The following ZFYVE9 variants were observed in gnomAD, a reference collection of about 807,000 sequenced individuals.
ZFYVE9 encodes zinc finger FYVE-type containing 9, also known as zinc finger FYVE domain-containing protein 9.
In ZFYVE9, 43 loss-of-function variants were observed where a neutral mutation model predicts 126.7. The observed-to-expected ratio is 0.34, with a 90% CI of 0.27 to 0.44. The LOEUF is 0.44. Ranked by LOEUF, ZFYVE9 falls within the 20% of genes least tolerant of loss-of-function variation. ZFYVE9 has a pLI of 1.00. For synonymous variants in ZFYVE9, 521 were observed against 597.4 expected, an observed-to-expected ratio of 0.87 and a Z score of 1.87; for missense variants, 1,476 against 1,697.0, an observed-to-expected ratio of 0.87 and a Z score of 2.29.
In ZFYVE9 at chr1:52,238,790, A is replaced by T. The variant is rs1418745539; in HGVS notation, c.1373A>T (p.Glu458Val). 3 of 1,614,014 alleles carry T rather than the reference A, an allele frequency of 1.9e-6. No homozygotes were observed. The highest frequency in any genetic ancestry group is 1.7e-6 in the Non-Finnish European group (2 of 1,179,988). ...DLKGTCISES[E>V]ECDFSTVIDT... ...AAAGGAACTTGCATTAGTGAAAGTG[A>T]AGAATGTGATTTCTCCACTGTTATA... Residue 458 changes from glutamate to valine, a missense_variant, in exon 4 of 19, where the codon GAA becomes GTA. Transcript: ENST00000287727.
At chr1:52,298,808 T>G (rs538165048) in intron 12 of ZFYVE9, among the ~76,000 whole-genome samples, 14 of 137,028 alleles carry the variant, frequency 1.0e-4, no homozygotes, top group South Asian at 4.8e-4. Context: ...TTGTCAATGT[T>G]TTTTTTTTTT....
chr1:52,281,034 A>G (rs959369216), intron 9 of ZFYVE9, among the ~76,000 whole-genome samples: 2 of 152,078 alleles, frequency 1.3e-5, no homozygotes, highest in African/African-American at 4.8e-5. Flanking sequence ...TTTTAGTATT[A>G]ATAGAATGTT....
intron 4 of ZFYVE9, among the ~76,000 whole-genome samples, chr1:52,248,048 G>A (rs1394271711): frequency 1.3e-5 from 2 of 152,240 alleles, no homozygotes; most frequent in African/African-American, 2.4e-5. Context: ...TAGGATATAT[G>A]TATATATACG....
At chr1:52,292,812 C>T (rs1303981330) in intron 10 of ZFYVE9, among the ~76,000 whole-genome samples, 1 of 151,998 alleles carries the variant, frequency 6.6e-6, no homozygotes, top group Non-Finnish European at 1.5e-5. Context: ...TTCTTGAGAC[C>T]TCTAAAGCAA....
chr1:52,306,547 C>G (rs1262198373), intron 13 of ZFYVE9, among the ~76,000 whole-genome samples: 1 of 152,242 alleles, frequency 6.6e-6, no homozygotes, highest in Non-Finnish European at 1.5e-5. Flanking sequence ...TGCCAAATGG[C>G]AGGGCTGAAA....
At chr1:52,290,725 A>G (rs1432669941) in intron 10 of ZFYVE9, among the ~76,000 whole-genome samples, 1 of 152,030 alleles carries the variant, frequency 6.6e-6, no homozygotes, top group East Asian at 1.9e-4. Flanking sequence ...CTTAAATCTT[A>G]CTCTAAAATC....
chr1:52,224,641 A>G (rs1645153367), intron 2 of ZFYVE9, among the ~76,000 whole-genome samples: 1 of 152,166 alleles, frequency 6.6e-6, no homozygotes, highest in South Asian at 2.1e-4. Context: ...CTTAGTCCAA[A>G]TAAAAACAGC....
chr1:52,238,591 C>A lies in ZFYVE9; in HGVS notation c.1174C>A (p.His392Asn), dbSNP rs1474820964. The change falls in exon 4 of 19, where the codon CAT becomes AAT. Residue 392 changes from histidine to asparagine, a missense_variant. Physicochemically the swap from His to Asn is moderately conservative, Grantham distance 68. Transcript: ENST00000287727. ...TACAGAATTCCTTAATATGACAGAG[C>A]ATTTCTCTGAATCTCAGGACATGAC... ...GTTEFLNMTE[H>N]FSESQDMTNW... The A allele has an allele frequency of 1.2e-6, 2 of 1,613,840 alleles. No individual in the cohort carries two copies. The highest frequency in any genetic ancestry group is 1.3e-5 in the African/African-American group (1 of 74,878).
chr1:52,238,935 A>C lies in ZFYVE9; in HGVS notation c.1518A>C (p.Lys506Asn). The change falls in exon 4 of 19, where the codon AAA becomes AAC. Residue 506 changes from lysine to asparagine, a missense_variant. Lys to Asn is a moderately conservative substitution (Grantham distance 94). This residue lies in a region of ZFYVE9 where 807 missense variants were observed against 794.6 expected (regional missense o/e 1.02). Coordinates refer to ENST00000287727, the MANE Select transcript of ZFYVE9 (RefSeq NM_004799.4). Reference protein sequence around the residue: ...PSKEDSVTEEKEIEESKSECY... With the variant: ...PSKEDSVTEENEIEESKSECY... ...AAGAAGATTCAGTAACAGAAGAAAA[A>C]GAAATAGAGGAAAGCAAGTCAGAAT... 6.2e-7 allele frequency: 1 copy of C among 1,613,972 alleles called. No homozygotes were observed. Among genetic ancestry groups the C allele is most frequent in the Non-Finnish European group, 8.5e-7 (1 of 1,179,956 alleles).
intron 4 of ZFYVE9, among the ~76,000 whole-genome samples, chr1:52,253,462 T>C (rs1645472091): frequency 6.6e-6 from 1 of 152,182 alleles, no homozygotes; most frequent in Non-Finnish European, 1.5e-5. Context: ...GATAGTATGA[T>C]AGATAGTGAA....
At chr1:52,255,870 T>G (rs946537741) in intron 4 of ZFYVE9, among the ~76,000 whole-genome samples, 1 of 151,840 alleles carries the variant, frequency 6.6e-6, no homozygotes, top group South Asian at 2.1e-4. Flanking sequence ...AAATTTTTTT[T>G]AATTCATTGA....
chr1:52,269,472 G>A (rs1015752610), intron 7 of ZFYVE9, among the ~76,000 whole-genome samples: 1 of 152,040 alleles, frequency 6.6e-6, no homozygotes, highest in Non-Finnish European at 1.5e-5. Flanking sequence ...TCATAGAATT[G>A]TTAGTTACTA....
chr1:52,180,301 C>G (rs544577671), intron 1 of ZFYVE9: 1 of 1,589,782 alleles, frequency 6.3e-7, no homozygotes, highest in Non-Finnish European at 8.6e-7. Context: ...ACCTGCATAC[C>G]CAGTTATCCT....
rs117007407 is a variant in ZFYVE9, at chr1:52,323,099, C to T, written c.3439-9669C>T. Among the ~76,000 whole-genome samples, 131 of 152,344 alleles carry T rather than the reference C, an allele frequency of 8.6e-4. 3 individuals carry two copies. The East Asian group carries it at 0.022, about 25-fold the overall frequency. ...GACTACAGGTGTGAGCCACCACGCC[C>T]GGCCCTCTGTGACCTCATTTTTTAT... On this transcript the variant is annotated intron_variant, in intron 13 of 18. Transcript: ENST00000287727.
intron 12 of ZFYVE9, 150 bp downstream of exon 12, chr1:52,296,127 G>GTATA (rs139945921): frequency 1.2e-5 from 6 of 505,008 alleles, no homozygotes; most frequent in East Asian, 7.1e-5. Flanking sequence ...ATATGTATGT[G>GTATA]TATATATATA....
At chr1:52,256,487 C>A (rs1645520931) in intron 4 of ZFYVE9, among the ~76,000 whole-genome samples, 1 of 152,010 alleles carries the variant, frequency 6.6e-6, no homozygotes, top group Non-Finnish European at 1.5e-5. Flanking sequence ...AGCAATTTTC[C>A]TTGCCTCAGC....
At chr1:52,216,503 G>C (rs1230017455) in intron 2 of ZFYVE9, 29 bp downstream of exon 2, 12 of 398,264 alleles carry the variant, frequency 3.0e-5, no homozygotes, top group Non-Finnish European at 5.3e-5. Flanking sequence ...TTCTCTTAGA[G>C]ATTGAACTTG....
chr1:52,149,543 C>T (rs1210024263), intron 1 of ZFYVE9, among the ~76,000 whole-genome samples: 1 of 152,154 alleles, frequency 6.6e-6, no homozygotes, highest in Non-Finnish European at 1.5e-5. Flanking sequence ...ATTGCCGTTA[C>T]CTCTCAATGA....
chr1:52,203,074 C>G (rs965475345), intron 1 of ZFYVE9, among the ~76,000 whole-genome samples: 6 of 151,988 alleles, frequency 3.9e-5, no homozygotes, highest in Admixed American at 3.3e-4. Context: ...TTTTCTCTTT[C>G]TTCTTGCTTA....
Sources: allele counts gnomAD v4.1 joint callset (sites outside exome capture counted in the v4.1 genomes callset), GRCh38; gene constraint gnomAD v4.1.1; regional missense constraint gnomAD v4.1.1; transcripts MANE v1.5; gene names NCBI Gene and HGNC (gene_info 2026-07-23, HGNC 2026-07-21).